Variants in NCBP3 observed in about 807,000 individuals in gnomAD.
The protein encoded by NCBP3 is nuclear cap binding subunit 3.
In NCBP3, 20 loss-of-function variants were observed where a neutral mutation model predicts 75.7. The ratio of observed to expected loss-of-function variants is 0.26; its 90% CI spans 0.19 to 0.38. The LOEUF is 0.38. NCBP3 is among the 10% of genes least tolerant of loss of function. The pLI is 1.00. For missense variants in NCBP3, 678 were observed against 796.9 expected (o/e 0.85, Z 1.80); for synonymous variants, 293 against 290.5 (o/e 1.01, Z -0.09).
At position 3,812,205 on chromosome 17, in the gene NCBP3, C is replaced by T. The variant is rs578136285; in HGVS notation, c.*839G>A. Reference sequence around the variant, plus strand: ...AAAGACGACACCACTTGAGCTTCCCCTTTAGCCAACAGGAAGAATTTCCAC... The same window carrying T: ...AAAGACGACACCACTTGAGCTTCCCTTTTAGCCAACAGGAAGAATTTCCAC... On this transcript the variant is annotated 3_prime_UTR_variant, in exon 13 of 13. Coordinates refer to ENST00000389005, the MANE Select transcript of NCBP3 (RefSeq NM_001114118.3). 6.6e-6 allele frequency: 1 copy of T among 152,574 alleles called. No individual in the cohort carries two copies. Among genetic ancestry groups the T allele is most frequent in the Non-Finnish European group, 1.5e-5 (1 of 68,058 alleles). 9.5% of individuals were successfully genotyped at this position (152,574 alleles called of 1,614,324 possible).
chr17:3,842,968 A>C, intron 2 of NCBP3, 118 bp downstream of exon 2: 2 of 954,796 alleles, frequency 2.1e-6, no homozygotes, highest in Non-Finnish European at 3.1e-6. Context: ...TTTTAGAAAA[A>C]AAATTTAAAT....
rs2053309747 is a variant in NCBP3, at chr17:3,804,020, T to C, written c.*9024A>G. On this transcript the variant is annotated 3_prime_UTR_variant, in exon 13 of 13. Coordinates refer to ENST00000389005, the MANE Select transcript of NCBP3 (RefSeq NM_001114118.3). ...TGAACCCAGGAGGCGGAGCTCGCAG[T>C]GGGCGGAGATCATGCCACTGCACTC... 6.6e-6 allele frequency: 1 copy of C among 152,110 alleles called. No homozygotes were observed. The highest frequency in any genetic ancestry group is 2.4e-5 in the African/African-American group (1 of 41,420). The allele number at this position is 152,110 out of a possible 1,614,324, so 9.4% of individuals were successfully genotyped here.
chr17:3,816,399 C>CA (rs1184908430), intron 10 of NCBP3, 129 bp from the exon 11 acceptor site: 1 of 783,162 alleles, frequency 1.3e-6, no homozygotes, highest in Non-Finnish European at 2.0e-6. Flanking sequence ...CATTCACTTA[C>CA]AAATCCATAA....
chr17:3,823,232 A>T (rs924322461), intron 7 of NCBP3, among the ~76,000 whole-genome samples: 1 of 152,016 alleles, frequency 6.6e-6, no homozygotes, highest in Admixed American at 6.6e-5. Flanking sequence ...AATTGCTTGA[A>T]CCCAGGAGGC....
chr17:3,816,148 C>T lies in NCBP3; in HGVS notation c.1433G>A (p.Arg478His), dbSNP rs112036899. ...AGTACTGCTGACTGGTGGCCGTGGA[C>T]GGGAGTGCTGACGTTTCTCATCTAA... ...HLLDEKRQHS[R>H]PRPPVSSTKS... Residue 478 changes from arginine to histidine, a missense_variant, in exon 11 of 13, where the codon CGT becomes CAT. Transcript: ENST00000389005. 483 of 1,614,034 alleles carry T rather than the reference C, an allele frequency of 3.0e-4. 1 individual carries two copies. The African/African-American group carries it at 3.5e-3, about 12-fold the overall frequency.
rs2053756676 is a variant in NCBP3 at position 3,824,933 on chromosome 17, TAC to T, written c.796+7_796+8del. The T allele has an allele frequency of 2.1e-6, 3 of 1,411,256 alleles. No individual in the cohort carries two copies. 87.4% of individuals were successfully genotyped at this position (1,411,256 alleles called of 1,614,324 possible). On this transcript the variant is annotated splice_region_variant and intron_variant, in intron 7 of 12. Transcript: ENST00000389005. Reference sequence around the variant, plus strand: ...GAAAATATAAAACAATACCAAATATTACATTTACCTTTTGTAGCAAATCTCAT... The same window carrying T: ...GAAAATATAAAACAATACCAAATATTATTTACCTTTTGTAGCAAATCTCAT...
At chr17:3,829,493 T>A in intron 3 of NCBP3, 125 bp from the exon 4 acceptor site, 1 of 1,092,760 alleles carries the variant, frequency 9.2e-7, no homozygotes, top group East Asian at 2.6e-5. Flanking sequence ...AGAGAAACTA[T>A]AATTATTTCA....
chr17:3,840,863 G>T (rs2054051678), intron 2 of NCBP3, among the ~76,000 whole-genome samples: 1 of 152,214 alleles, frequency 6.6e-6, no homozygotes, highest in Non-Finnish European at 1.5e-5. Context: ...ATCTCTAAGT[G>T]ATAAGAACCA....
intron 3 of NCBP3, among the ~76,000 whole-genome samples, chr17:3,836,875 G>A (rs543400495): frequency 1.3e-3 from 192 of 152,184 alleles, no homozygotes; most frequent in South Asian, 3.5e-3. Context: ...AGATGGCCTG[G>A]CGCAATGGCT....
chr17:3,818,364 G>A lies in NCBP3; in HGVS notation c.1209C>T (p.Asp403=). The change falls in exon 10 of 13, where the codon GAC becomes GAT. Residue 403 remains aspartate (D), a synonymous_variant. Transcript: ENST00000389005. The surrounding 1 kb of genome is among the most constrained non-coding windows in gnomAD (Gnocchi z 4.7). The part of the protein sequence containing the change: ...SASSSDSDEM[D]YDLELKMIST... ...AAATCATTTTCAGTTCTAGATCATAGTCCATTTCATCTGAGTCTGAGCTGC... is the reference window on the plus strand; with the variant it reads ...AAATCATTTTCAGTTCTAGATCATAATCCATTTCATCTGAGTCTGAGCTGC... 1 of 1,614,108 alleles carries A rather than the reference G, an allele frequency of 6.2e-7. No individual in the cohort carries two copies. The highest frequency in any genetic ancestry group is 8.5e-7 in the Non-Finnish European group (1 of 1,180,022).
chr17:3,839,669 A>C (rs1402239943), intron 3 of NCBP3, among the ~76,000 whole-genome samples: 1 of 152,164 alleles, frequency 6.6e-6, no homozygotes, highest in East Asian at 1.9e-4. Flanking sequence ...ATTATCAACA[A>C]AAGTGTTAAT....
rs543760862 is a variant in NCBP3 at position 3,813,415 on chromosome 17, C to G, written c.1628-136G>C. 26 of 1,118,008 alleles carry G rather than the reference C, an allele frequency of 2.3e-5. No homozygotes were observed. In the African/African-American group the frequency reaches 3.3e-4, roughly 14 times the overall value. The allele number at this position is 1,118,008 out of a possible 1,614,324, so 69.3% of individuals were successfully genotyped here. A position where few individuals can be genotyped will look rare whatever the true frequency, so the allele number is the denominator to read the frequency against. ...TGTGGAGCCTGCCACCACAGTGCAG[C>G]CTTGGGCAGGCAAAATCTCATTTCC... is the stretch of plus-strand genomic sequence containing the variant. On this transcript the variant is annotated intron_variant, in intron 12 of 12. Coordinates refer to ENST00000389005, the MANE Select transcript of NCBP3 (RefSeq NM_001114118.3).
chr17:3,803,113 G>C lies in NCBP3; in HGVS notation c.*9931C>G, dbSNP rs1471766480. The C allele has an allele frequency of 6.6e-6, 1 of 152,248 alleles. No homozygotes were observed. The highest frequency in any genetic ancestry group is 1.5e-5 in the Non-Finnish European group (1 of 68,058). 9.4% of individuals were successfully genotyped at this position (152,248 alleles called of 1,614,324 possible). A position where few individuals can be genotyped will look rare whatever the true frequency, so the allele number is the denominator to read the frequency against. On this transcript the variant is annotated 3_prime_UTR_variant, in exon 13 of 13. Coordinates refer to ENST00000389005, the MANE Select transcript of NCBP3 (RefSeq NM_001114118.3). The stretch of plus-strand genomic sequence containing the variant: ...GTAATGCTCCCCATCACAGCACGCA[G>C]CACAAGGCTGGCTGTTTGACAAATA...
intron 12 of NCBP3, 57 bp downstream of exon 12, chr17:3,814,265 C>A: frequency 6.4e-7 from 1 of 1,557,692 alleles, no homozygotes. Flanking sequence ...TCCAATACAC[C>A]CACTGTCCTC....
chr17:3,843,586 G>A (rs964888421), intron 1 of NCBP3, among the ~76,000 whole-genome samples: 4 of 152,158 alleles, frequency 2.6e-5, no homozygotes, highest in East Asian at 1.9e-4. Flanking sequence ...CACTCTTATC[G>A]CCTAGGCGGG....
chr17:3,827,598 T>C (rs2053811231), intron 4 of NCBP3, among the ~76,000 whole-genome samples: 1 of 152,254 alleles, frequency 6.6e-6, no homozygotes, highest in African/African-American at 2.4e-5. Context: ...GCGTCCCCTA[T>C]ATCTCAGTTT....
In NCBP3 at chr17:3,822,036, A is replaced by G; in HGVS notation, c.813T>C (p.Leu271=). The change falls in exon 8 of 13, where the codon CTT becomes CTC. Residue 271 remains leucine, a synonymous_variant. Coordinates refer to ENST00000389005, the MANE Select transcript of NCBP3 (RefSeq NM_001114118.3). ...AATACTGACTTCTTCTGGCTGCTCC[A>G]AGTTCCTTTTTGTCATCTAAAAATT... ...RFATKDDKKE[L]GAARRSQYYM... is the part of the protein sequence containing the mutation. 1 of 1,610,060 alleles carries G rather than the reference A, an allele frequency of 6.2e-7. No homozygotes were observed. The highest frequency in any genetic ancestry group is 2.2e-5 in the East Asian group (1 of 44,812).
intron 9 of NCBP3, among the ~76,000 whole-genome samples, chr17:3,820,904 T>G (rs1200583549): frequency 6.6e-6 from 1 of 151,170 alleles, no homozygotes. Flanking sequence ...CACTCCAGCC[T>G]GAGAGACAGA....
chr17:3,834,339 G>A (rs2053938391), intron 3 of NCBP3, among the ~76,000 whole-genome samples: 3 of 152,244 alleles, frequency 2.0e-5, no homozygotes, highest in Admixed American at 2.0e-4. Context: ...ACAGACTGTT[G>A]ACAATGACGG....
Sources: gnomAD v4.1 joint callset for allele counts (sites outside exome capture counted in the v4.1 genomes callset) on GRCh38, gnomAD v4.1.1 for gene constraint, Gnocchi (gnomAD v3.1) non-coding constraint, MANE v1.5 for transcripts, NCBI Gene and HGNC (gene_info 2026-07-23, HGNC 2026-07-21) for gene names.